KCNH1: variants seen among roughly 807,000 people sequenced by gnomAD.
KCNH1 encodes potassium voltage-gated channel subfamily H member 1.
In KCNH1, 27 loss-of-function variants were observed where a neutral mutation model predicts 69.2. That is an observed-to-expected ratio of 0.39 (90% CI 0.29 to 0.54). KCNH1 has a LOEUF of 0.54. Among genes scored for constraint, KCNH1 ranks in the 20% least tolerant of loss-of-function variants. The pLI is 0.68. For missense variants in KCNH1, 798 were observed against 1,261.6 expected (o/e 0.63, Z 5.57); for synonymous variants, 456 against 487.7 (o/e 0.93, Z 0.86).
At chr1:210,941,067 C>G (rs866727457) in intron 6 of KCNH1, among the ~76,000 whole-genome samples, 15 of 152,294 alleles carry the variant, frequency 9.8e-5, no homozygotes, top group Middle Eastern at 3.4e-3. Context: ...GTCCACTTAT[C>G]AGTCCCCTGG....
chr1:210,919,591 C>T lies in KCNH1; in HGVS notation c.1462+49G>A, dbSNP rs200607595. ...GGCACTGTAGCCATTTCCCTGTTTC[C>T]AGCTAACAGAAGAGATGGCCAACCC... On this transcript the variant is annotated intron_variant, in intron 7 of 10. Transcript: ENST00000271751. The surrounding 1 kb of genome is among the most constrained non-coding windows in gnomAD (Gnocchi z 4.2). 1,923 of 1,518,596 alleles carry T rather than the reference C, an allele frequency of 1.3e-3. 3 individuals carry two copies. The highest frequency in any genetic ancestry group is 1.5e-3 in the Non-Finnish European group (1,695 of 1,107,224). The allele number at this position is 1,518,596 out of a possible 1,614,324, so 94.1% of individuals were successfully genotyped here. A position where few individuals can be genotyped will look rare whatever the true frequency, so the allele number is the denominator to read the frequency against.
intron 5 of KCNH1, among the ~76,000 whole-genome samples, chr1:211,075,471 A>C (rs1690716058): frequency 6.6e-6 from 1 of 152,236 alleles, no homozygotes; most frequent in African/African-American, 2.4e-5. Context: ...ACGTGGATCA[A>C]GGACTGACCA....
rs531528634 is a variant in KCNH1 at position 210,885,922 on chromosome 1, T to A, written c.1462+33718A>T. On this transcript the variant is annotated intron_variant, in intron 7 of 10. Transcript: ENST00000271751. ...GGGTCTTATAGATAAAACTCCCATA[T>A]CCCTGGGACAGAGCACCTGAGGGAA... 2.7e-3 allele frequency among the ~76,000 whole-genome samples: 412 copies of A among 152,200 alleles called. 2 individuals carry two copies. The highest frequency in any genetic ancestry group is 9.4e-3 in the African/African-American group (389 of 41,522).
chr1:211,073,776 C>T (rs1434754225), intron 5 of KCNH1, among the ~76,000 whole-genome samples: 1 of 151,690 alleles, frequency 6.6e-6, no homozygotes, highest in Non-Finnish European at 1.5e-5. Context: ...AATCAAAAAT[C>T]AATAAGCTTC....
chr1:210,856,827 A>G (rs1020301495), intron 7 of KCNH1, among the ~76,000 whole-genome samples: 1 of 129,300 alleles, frequency 7.7e-6, no homozygotes, highest in African/African-American at 2.7e-5. Context: ...TATATTTTAT[A>G]TATAATATAT....
intron 10 of KCNH1, among the ~76,000 whole-genome samples, chr1:210,761,246 C>T (rs1237648156): frequency 8.8e-5 from 5 of 56,980 alleles, no homozygotes; most frequent in African/African-American, 1.2e-4. Flanking sequence ...AGCGAGACTC[C>T]GTCAAAAAAA....
chr1:210,767,506 A>C (rs908168169), intron 10 of KCNH1, among the ~76,000 whole-genome samples: 2 of 152,224 alleles, frequency 1.3e-5, no homozygotes, highest in Admixed American at 1.3e-4. Context: ...ACTAAAGAGC[A>C]TCTAGACCCT....
chr1:210,848,347 C>T (rs1350696375), intron 7 of KCNH1, among the ~76,000 whole-genome samples: 1 of 152,188 alleles, frequency 6.6e-6, no homozygotes, highest in Non-Finnish European at 1.5e-5. Context: ...TGGTTGGTCA[C>T]ATGGCTACTT....
At chr1:210,981,193 G>T (rs1446773845) in intron 6 of KCNH1, among the ~76,000 whole-genome samples, 1 of 151,772 alleles carries the variant, frequency 6.6e-6, no homozygotes, top group Non-Finnish European at 1.5e-5. Context: ...TAGGTCAGAG[G>T]GAAAAAGACA....
intron 5 of KCNH1, among the ~76,000 whole-genome samples, chr1:211,053,906 T>A (rs1690253890): frequency 2.0e-5 from 3 of 152,014 alleles, no homozygotes. Context: ...TTAGCAGACA[T>A]GAATAAGACA....
intron 10 of KCNH1, among the ~76,000 whole-genome samples, chr1:210,753,305 C>A (rs141238978): frequency 6.6e-6 from 1 of 152,052 alleles, no homozygotes; most frequent in Admixed American, 6.6e-5. Flanking sequence ...TCAGGAAGCT[C>A]GAGAATGATG....
At chr1:210,940,486 T>C (rs550374414) in intron 6 of KCNH1, among the ~76,000 whole-genome samples, 2 of 152,348 alleles carry the variant, frequency 1.3e-5, no homozygotes, top group East Asian at 3.9e-4. Flanking sequence ...AGCTTTGAAC[T>C]AAAAATGGGA....
chr1:210,806,262 G>A (rs1018862484), intron 7 of KCNH1, among the ~76,000 whole-genome samples: 2 of 152,124 alleles, frequency 1.3e-5, no homozygotes, highest in Non-Finnish European at 2.9e-5. Flanking sequence ...CCTTTCTAGT[G>A]AGTATGACTT....
intron 1 of KCNH1, among the ~76,000 whole-genome samples, chr1:211,127,390 A>G (rs12061710): frequency 0.037 from 5,603 of 150,814 alleles, 327 homozygotes; most frequent in African/African-American, 0.13. Flanking sequence ...CTGCTTCTCA[A>G]ATTAAGAAAA....
chr1:210,762,580 G>C (rs1322822342), intron 10 of KCNH1, among the ~76,000 whole-genome samples: 1 of 152,096 alleles, frequency 6.6e-6, no homozygotes, highest in Non-Finnish European at 1.5e-5. Context: ...GATCCTCAGA[G>C]ACTATTATGA....
chr1:210,921,688 A>G (rs540020949), intron 6 of KCNH1, among the ~76,000 whole-genome samples: 1 of 152,270 alleles, frequency 6.6e-6, no homozygotes, highest in East Asian at 1.9e-4. Flanking sequence ...GCAGTTAATA[A>G]TAAGTGTGTT....
intron 10 of KCNH1, among the ~76,000 whole-genome samples, chr1:210,695,502 CCTAT>C (rs578138451): frequency 3.0e-4 from 45 of 152,270 alleles, no homozygotes; most frequent in Middle Eastern, 3.4e-3. Context: ...AATATATTCA[CCTAT>C]CTATCTTTTT....
At chr1:211,128,789 T>C (rs910126122) in intron 1 of KCNH1, among the ~76,000 whole-genome samples, 20 of 152,094 alleles carry the variant, frequency 1.3e-4, no homozygotes, top group Admixed American at 4.6e-4. Context: ...ATGGGCTAAG[T>C]CAGTTTTGTT....
chr1:210,981,372 C>CAAAAAAAAAAAA (rs10684074), intron 6 of KCNH1, among the ~76,000 whole-genome samples: 2 of 85,484 alleles, frequency 2.3e-5, no homozygotes, highest in Non-Finnish European at 4.3e-5. Flanking sequence ...GTAACAACGA[C>CAAAAAAAAAAAA]AAAAAAAAAA....
Sources: gnomAD v4.1 joint callset for allele counts (sites outside exome capture counted in the v4.1 genomes callset) on GRCh38, gnomAD v4.1.1 for gene constraint, Gnocchi (gnomAD v3.1) non-coding constraint, MANE v1.5 for transcripts, NCBI Gene and HGNC (gene_info 2026-07-23, HGNC 2026-07-21) for gene names.